RPGRIP1: variants seen among roughly 807,000 people sequenced by gnomAD.
The protein encoded by RPGRIP1 is X-linked retinitis pigmentosa GTPase regulator-interacting protein 1.
RPGRIP1 carries 128 observed loss-of-function variants against 157.9 expected under a neutral mutation model. That is an observed-to-expected ratio of 0.81 (90% CI 0.70 to 0.94). The LOEUF (loss-of-function observed/expected upper bound fraction) is 0.94, where lower values mean the gene tolerates loss of function less well. Among genes scored for constraint, RPGRIP1 ranks in the 40% least tolerant of loss-of-function variants. The pLI is 0.00. For missense variants in RPGRIP1, 1,486 were observed against 1,545.8 expected, an observed-to-expected ratio of 0.96 and a Z score of 0.65; for synonymous variants, 554 against 571.6, an observed-to-expected ratio of 0.97 and a Z score of 0.44.
chr14:21,351,042 G>T, intron 24 of RPGRIP1, 62 bp from the exon 25 acceptor site: 1 of 918,478 alleles, frequency 1.1e-6, no homozygotes, highest in South Asian at 1.6e-5. Context: ...TACCTAACCT[G>T]ACAAATACCA....
intron 2 of RPGRIP1, among the ~76,000 whole-genome samples, chr14:21,290,549 T>C (rs564705475): frequency 2.0e-5 from 3 of 152,090 alleles, no homozygotes; most frequent in Non-Finnish European, 1.5e-5. Context: ...CGGTGGCTCA[T>C]GCCTGTAGTC....
intron 1 of RPGRIP1, among the ~76,000 whole-genome samples, chr14:21,281,707 T>TA (rs1358172360): frequency 2.4e-5 from 3 of 127,106 alleles, no homozygotes; most frequent in South Asian, 4.6e-4. Context: ...AAAAAATAAA[T>TA]AATAATAATA....
At chr14:21,312,115 A>T in intron 9 of RPGRIP1, 145 bp downstream of exon 9, 1 of 764,420 alleles carries the variant, frequency 1.3e-6, no homozygotes, top group South Asian at 1.6e-5. Flanking sequence ...TTAAGATTAC[A>T]CCATTAGAGG....
chr14:21,344,004 G>A lies in RPGRIP1; in HGVS notation c.3532+776G>A, dbSNP rs140419107. 1.4e-4 allele frequency among the ~76,000 whole-genome samples: 21 copies of A among 148,572 alleles called. No homozygotes were observed. In the East Asian group the frequency reaches 3.0e-3, roughly 21 times the overall value. On this transcript the variant is annotated intron_variant, in intron 22 of 24. Transcript: ENST00000400017. The stretch of plus-strand genomic sequence containing the variant: ...CTCCTGAGTAGCTGGAATTACAGGC[G>A]TGAGCCACCATACCTGGCTTCTGAG...
chr14:21,316,719 T>G (rs1050677789), intron 10 of RPGRIP1, among the ~76,000 whole-genome samples: 3 of 151,862 alleles, frequency 2.0e-5, no homozygotes, highest in African/African-American at 4.8e-5. Context: ...CCCAGCCTGG[T>G]AAATTATTTT....
intron 1 of RPGRIP1, among the ~76,000 whole-genome samples, chr14:21,282,973 C>G (rs975221392): frequency 2.0e-5 from 3 of 152,176 alleles, no homozygotes. Context: ...CACGCCTTCA[C>G]TGACAGTCTC....
Position 21,325,817 on chromosome 14 carries a change from C to T in RPGRIP1, c.2368-14C>T. ...GCTGCCCTTTTCCTCAATCCATGACCAACATCTTTCCAGTTCAGATCGGAG... is the reference window on the plus strand; with the variant it reads ...GCTGCCCTTTTCCTCAATCCATGACTAACATCTTTCCAGTTCAGATCGGAG... On this transcript the variant is annotated splice_polypyrimidine_tract_variant and intron_variant, in intron 16 of 24. Transcript: ENST00000400017. 5.6e-6 allele frequency: 9 copies of T among 1,596,356 alleles called. No individual in the cohort carries two copies. The highest frequency in any genetic ancestry group is 7.7e-6 in the Non-Finnish European group (9 of 1,167,624).
At chr14:21,318,904 C>A (rs1297665112) in intron 11 of RPGRIP1, among the ~76,000 whole-genome samples, 1 of 151,792 alleles carries the variant, frequency 6.6e-6, no homozygotes, top group Non-Finnish European at 1.5e-5. Flanking sequence ...TTGGTTACCA[C>A]TGCCAGTTCA....
intron 1 of RPGRIP1, among the ~76,000 whole-genome samples, chr14:21,286,917 T>A (rs1880318595): frequency 1.3e-5 from 2 of 151,812 alleles, no homozygotes; most frequent in Non-Finnish European, 2.9e-5. Flanking sequence ...TCCTAGCACT[T>A]TGGGAGGCAG....
intron 1 of RPGRIP1, among the ~76,000 whole-genome samples, chr14:21,282,665 A>C (rs1432629544): frequency 3.0e-5 from 4 of 132,232 alleles, no homozygotes; most frequent in Non-Finnish European, 6.1e-5. Context: ...GCTGGAGTGC[A>C]GTGGCGTGAT....
At chr14:21,281,605 C>T (rs1880126320) in intron 1 of RPGRIP1, among the ~76,000 whole-genome samples, 1 of 151,144 alleles carries the variant, frequency 6.6e-6, no homozygotes. Flanking sequence ...ATGAGAATTG[C>T]TTGAACCCTG....
rs1345736757 is a variant in RPGRIP1, at chr14:21,311,938, G to A, written c.1045G>A (p.Asp349Asn). 3 of 1,613,496 alleles carry A rather than the reference G, an allele frequency of 1.9e-6. No homozygotes were observed. The highest frequency in any genetic ancestry group is 2.7e-5 in the African/African-American group (2 of 75,040). ...TGTGAGCTTGAAGAGCCAACTGGAA[G>A]ATGTGTCTATCTTGCAGATGACTCT... ...KAVSLKSQLE[D>N]VSILQMTLKE... is the part of the protein sequence containing the mutation. The change falls in exon 9 of 25, where the codon GAT becomes AAT. Residue 349 changes from aspartate (D) to asparagine (N), a missense_variant. Asp to Asn is a conservative substitution (Grantham distance 23). Coordinates refer to ENST00000400017, the MANE Select transcript of RPGRIP1 (RefSeq NM_020366.4).
At chr14:21,304,847 G>T (rs1881229807) in intron 6 of RPGRIP1, among the ~76,000 whole-genome samples, 2 of 151,728 alleles carry the variant, frequency 1.3e-5, no homozygotes, top group South Asian at 4.2e-4. Flanking sequence ...AGTTGCCCAG[G>T]CTGGAGGGCA....
intron 4 of RPGRIP1, 107 bp downstream of exon 4, chr14:21,301,344 C>T (rs892537461): frequency 4.1e-6 from 5 of 1,209,396 alleles, no homozygotes; most frequent in Non-Finnish European, 5.8e-6. Flanking sequence ...CCATTTTGTT[C>T]TTTTGTTCTC....
intron 2 of RPGRIP1, among the ~76,000 whole-genome samples, chr14:21,290,294 A>C (rs868160778): frequency 1.3e-5 from 2 of 152,224 alleles, no homozygotes; most frequent in South Asian, 4.1e-4. Flanking sequence ...CCAGCAACGT[A>C]TGATGCTTCT....
In RPGRIP1 at chr14:21,311,942, T is replaced by G. The variant is rs1347198832; in HGVS notation, c.1049T>G (p.Val350Gly). The G allele has an allele frequency of 6.2e-7, 1 of 1,613,236 alleles. No homozygotes were observed. Among genetic ancestry groups the G allele is most frequent in the Non-Finnish European group, 8.5e-7 (1 of 1,179,572 alleles). Residue 350 changes from valine (V) to glycine (G), a missense_variant, in exon 9 of 25, where the codon GTG (valine) becomes GGG (glycine). Coordinates refer to ENST00000400017, the MANE Select transcript of RPGRIP1 (RefSeq NM_020366.4). ...AVSLKSQLED[V>G]SILQMTLKEF... Reference sequence around the variant, plus strand: ...AGCTTGAAGAGCCAACTGGAAGATGTGTCTATCTTGCAGATGACTCTGAAG... The same window carrying G: ...AGCTTGAAGAGCCAACTGGAAGATGGGTCTATCTTGCAGATGACTCTGAAG...
At chr14:21,333,832 G>A (rs1012439071) in intron 20 of RPGRIP1, among the ~76,000 whole-genome samples, 2 of 151,956 alleles carry the variant, frequency 1.3e-5, no homozygotes, top group African/African-American at 4.8e-5. Flanking sequence ...GAAGGGGAGG[G>A]GACAAAGACC....
At chr14:21,300,652 T>C (rs1251031890) in intron 3 of RPGRIP1, among the ~76,000 whole-genome samples, 1 of 151,254 alleles carries the variant, frequency 6.6e-6, no homozygotes, top group African/African-American at 2.4e-5. Flanking sequence ...CAAAAACAAG[T>C]CTATATATAA....
Position 21,334,591 on chromosome 14 carries a change from C to T in RPGRIP1, c.3239-14C>T, listed in dbSNP as rs542859849. The T allele has an allele frequency of 6.1e-4, 970 of 1,580,584 alleles. 18 individuals carry two copies. In the South Asian group the frequency reaches 0.011, roughly 17 times the overall value. On this transcript the variant is annotated splice_polypyrimidine_tract_variant and intron_variant, in intron 20 of 24. Coordinates refer to ENST00000400017, the MANE Select transcript of RPGRIP1 (RefSeq NM_020366.4). ...TTTGAAACAGTTCTATAACTGCAACCTCTTCTCTAGCAGACAAAGAATCCT... is the reference window on the plus strand; with the variant it reads ...TTTGAAACAGTTCTATAACTGCAACTTCTTCTCTAGCAGACAAAGAATCCT...
Sources: gnomAD v4.1 joint callset for allele counts (sites outside exome capture counted in the v4.1 genomes callset) on GRCh38, gnomAD v4.1.1 for gene constraint, MANE v1.5 for transcripts, NCBI Gene and HGNC (gene_info 2026-07-23, HGNC 2026-07-21) for gene names.